Variants in CDK19 observed in about 807,000 individuals in gnomAD.
The protein encoded by CDK19 is cyclin dependent kinase 19, also known as cyclin-dependent kinase 19.
A neutral mutation model predicts 68.3 loss-of-function variants in CDK19; 20 were observed. That is an observed-to-expected ratio of 0.29 (90% CI 0.21 to 0.43). CDK19 has a LOEUF of 0.43. CDK19 is among the 20% of genes least tolerant of loss of function. The pLI, the probability that CDK19 is intolerant of heterozygous loss-of-function variation, is 1.00. For missense variants in CDK19, 339 were observed against 623.5 expected (o/e 0.54, Z 4.86); for synonymous variants, 221 against 222.8 (o/e 0.99, Z 0.07).
intron 2 of CDK19, among the ~76,000 whole-genome samples, chr6:110,719,584 TCTC>T (rs1244722224): frequency 1.3e-5 from 2 of 151,886 alleles, no homozygotes; most frequent in Non-Finnish European, 2.9e-5. Context: ...CAGATTAAAC[TCTC>T]CTAATGTAAA....
At chr6:110,733,151 A>G (rs995047951) in intron 2 of CDK19, among the ~76,000 whole-genome samples, 3 of 152,158 alleles carry the variant, frequency 2.0e-5, no homozygotes, top group African/African-American at 7.2e-5. Flanking sequence ...GATTTCTATC[A>G]CAATACGTAT....
At position 110,610,541 on chromosome 6, in the gene CDK19, T is replaced by C. The variant is rs1312486940; in HGVS notation, c.*3994A>G. On this transcript the variant is annotated 3_prime_UTR_variant, in exon 13 of 13. Transcript: ENST00000368911. ...TGCAGTGATAGCATAGAAGAGTAAG[T>C]ATGGCCTTAGGTACAACACGTTTTT... 2.0e-5 allele frequency: 3 copies of C among 152,406 alleles called. No homozygotes were observed. The highest frequency in any genetic ancestry group is 2.0e-4 in the Admixed American group (3 of 15,280). 9.4% of individuals were successfully genotyped at this position (152,406 alleles called of 1,614,324 possible). A position where few individuals can be genotyped will look rare whatever the true frequency, so the allele number is the denominator to read the frequency against.
At chr6:110,696,783 G>A (rs1417482321) in intron 2 of CDK19, among the ~76,000 whole-genome samples, 3 of 152,214 alleles carry the variant, frequency 2.0e-5, no homozygotes, top group African/African-American at 4.8e-5. Context: ...ATTGTCAGGC[G>A]CAGTGGCTCA....
chr6:110,668,832 CAAA>C, intron 3 of CDK19, among the ~76,000 whole-genome samples: 1 of 79,972 alleles, frequency 1.3e-5, no homozygotes, highest in African/African-American at 4.8e-5. Flanking sequence ...AACTCCGTTT[CAAA>C]AAAAAAAAAA....
At chr6:110,702,564 C>G (rs1194923549) in intron 2 of CDK19, among the ~76,000 whole-genome samples, 1 of 152,028 alleles carries the variant, frequency 6.6e-6, no homozygotes, top group Non-Finnish European at 1.5e-5. Context: ...GAGTTTGAGG[C>G]TGCAGTGAGC....
At chr6:110,739,821 A>G (rs1777522453) in intron 2 of CDK19, among the ~76,000 whole-genome samples, 1 of 150,790 alleles carries the variant, frequency 6.6e-6, no homozygotes, top group Admixed American at 6.6e-5. Flanking sequence ...TATTATTATT[A>G]TAGAGACAGG....
chr6:110,637,032 T>C (rs1314433798), intron 5 of CDK19, among the ~76,000 whole-genome samples: 1 of 152,224 alleles, frequency 6.6e-6, no homozygotes, highest in Non-Finnish European at 1.5e-5. Flanking sequence ...GGGATGTTTG[T>C]AGGGAAAGAG....
At chr6:110,808,073 T>G (rs924383748) in intron 1 of CDK19, among the ~76,000 whole-genome samples, 4 of 152,218 alleles carry the variant, frequency 2.6e-5, no homozygotes, top group Admixed American at 6.5e-5. Flanking sequence ...ATAACAGTTT[T>G]CCTATTTATC....
chr6:110,693,062 A>G (rs1384295377), intron 2 of CDK19, among the ~76,000 whole-genome samples: 4 of 152,222 alleles, frequency 2.6e-5, no homozygotes, highest in Non-Finnish European at 5.9e-5. Flanking sequence ...ACAAATGTAA[A>G]GCAAAAGTGA....
At chr6:110,761,082 AG>A (rs1779197317) in intron 1 of CDK19, among the ~76,000 whole-genome samples, 1 of 152,138 alleles carries the variant, frequency 6.6e-6, no homozygotes, top group African/African-American at 2.4e-5. Context: ...GTAGGAACAC[AG>A]GTAAGGATTT....
chr6:110,693,805 C>T (rs561945239), intron 2 of CDK19, among the ~76,000 whole-genome samples: 16 of 152,222 alleles, frequency 1.1e-4, no homozygotes, highest in African/African-American at 3.9e-4. Context: ...TCTCTACCTG[C>T]CCAAGTAGCT....
chr6:110,715,982 T>C (rs1284600847), intron 2 of CDK19, among the ~76,000 whole-genome samples: 1 of 152,210 alleles, frequency 6.6e-6, no homozygotes, highest in East Asian at 1.9e-4. Flanking sequence ...CTACATTTAC[T>C]AACAAAGCAC....
At chr6:110,705,042 G>GT (rs71664467) in intron 2 of CDK19, among the ~76,000 whole-genome samples, 28,824 of 140,784 alleles carry the variant, frequency 0.2, 3,665 homozygotes, top group Middle Eastern at 0.35. Flanking sequence ...AAGAAATGTA[G>GT]TTTTTTTTTT....
At chr6:110,776,743 G>T (rs2115015187) in intron 1 of CDK19, among the ~76,000 whole-genome samples, 1 of 152,256 alleles carries the variant, frequency 6.6e-6, no homozygotes, top group East Asian at 1.9e-4. Context: ...ATACTATGTT[G>T]AAACACAGTG....
chr6:110,646,761 G>A (rs1244183161), intron 4 of CDK19, among the ~76,000 whole-genome samples: 1 of 152,094 alleles, frequency 6.6e-6, no homozygotes, highest in Non-Finnish European at 1.5e-5. Flanking sequence ...CACTGCGCAC[G>A]GTTGAGTTCT....
rs373137223 is a variant in CDK19 at position 110,623,374 on chromosome 6, C to T, written c.861-12G>A. 3.0e-5 allele frequency: 49 copies of T among 1,612,394 alleles called. No homozygotes were observed. The highest frequency in any genetic ancestry group is 4.4e-5 in the South Asian group (4 of 90,760). ...TACTGTTGGCATACCTGCAAGGACA[C>T]GCACAGTCACACATCACTGGGAACA... is the stretch of plus-strand genomic sequence containing the variant. On this transcript the variant is annotated splice_polypyrimidine_tract_variant and intron_variant, in intron 8 of 12. Coordinates refer to ENST00000368911, the MANE Select transcript of CDK19 (RefSeq NM_015076.5).
intron 1 of CDK19, among the ~76,000 whole-genome samples, chr6:110,746,601 T>A (rs1778093497): frequency 6.6e-6 from 1 of 152,078 alleles, no homozygotes; most frequent in African/African-American, 2.4e-5. Context: ...AGACATAAAC[T>A]CCCAGATTCA....
At chr6:110,628,610 G>A (rs111556260) in intron 6 of CDK19, among the ~76,000 whole-genome samples, 310 of 152,226 alleles carry the variant, frequency 2.0e-3, no homozygotes, top group South Asian at 4.4e-3. Context: ...TACAGGGTTC[G>A]GTGCTATCTG....
At chr6:110,725,776 G>C (rs1267444455) in intron 2 of CDK19, among the ~76,000 whole-genome samples, 1 of 152,118 alleles carries the variant, frequency 6.6e-6, no homozygotes, top group Non-Finnish European at 1.5e-5. Flanking sequence ...AATTGTTCAA[G>C]TCTAATTATG....
Sources: allele counts gnomAD v4.1 joint callset (sites outside exome capture counted in the v4.1 genomes callset), GRCh38; gene constraint gnomAD v4.1.1; transcripts MANE v1.5; gene names NCBI Gene and HGNC (gene_info 2026-07-23, HGNC 2026-07-21).